The following PHLPP1 variants were observed in gnomAD, a reference collection of about 807,000 sequenced individuals.
PHLPP1 encodes the protein PH domain and leucine rich repeat protein phosphatase 1, also known as PH domain leucine-rich repeat-containing protein phosphatase 1.
A neutral mutation model predicts 117.2 loss-of-function variants in PHLPP1; 42 were observed. That is an observed-to-expected ratio of 0.36 (90% confidence interval 0.28 to 0.46). The LOEUF is 0.46. Ranked by LOEUF, PHLPP1 falls within the 20% of genes least tolerant of loss-of-function variation. PHLPP1 has a pLI of 1.00. For missense variants in PHLPP1, 2,084 were observed against 2,241.9 expected (o/e 0.93, Z 1.42); for synonymous variants, 1,042 against 970.7 (o/e 1.07, Z -1.37).
At chr18:62,895,674 T>G (rs1436035049) in intron 5 of PHLPP1, 107 bp from the exon 6 acceptor site, 2 of 737,546 alleles carry the variant, frequency 2.7e-6, no homozygotes, top group Non-Finnish European at 4.6e-6. Flanking sequence ...TTGCGAAGAA[T>G]AATACATTTT....
At chr18:62,866,489 C>T (rs998754937) in intron 4 of PHLPP1, among the ~76,000 whole-genome samples, 2 of 152,114 alleles carry the variant, frequency 1.3e-5, no homozygotes, top group Non-Finnish European at 2.9e-5. Context: ...AGGTAGTCCA[C>T]CCATCTTGGC....
At chr18:62,767,042 G>A (rs1912564307) in intron 1 of PHLPP1, among the ~76,000 whole-genome samples, 1 of 152,184 alleles carries the variant, frequency 6.6e-6, no homozygotes, top group South Asian at 2.1e-4. Flanking sequence ...CCACTCTCCT[G>A]CCAGATCCTT....
At position 62,954,327 on chromosome 18, in the gene PHLPP1, C is replaced by T. The variant is rs115129939; in HGVS notation, c.3325-4302C>T. On this transcript the variant is annotated intron_variant, in intron 12 of 16. Transcript: ENST00000262719. ...TTAGTCGTGTTTTAGCCAGATTTAACATTCTATTGAATATATTTTTAAGAA... is the reference window on the plus strand; with the variant it reads ...TTAGTCGTGTTTTAGCCAGATTTAATATTCTATTGAATATATTTTTAAGAA... 4.9e-3 allele frequency among the ~76,000 whole-genome samples: 752 copies of T among 152,314 alleles called. 4 individuals carry two copies. Among genetic ancestry groups the T allele is most frequent in the African/African-American group, 0.017 (714 of 41,562 alleles).
chr18:62,849,718 T>G (rs2144351055), intron 3 of PHLPP1, among the ~76,000 whole-genome samples: 1 of 133,608 alleles, frequency 7.5e-6, no homozygotes, highest in Admixed American at 8.4e-5. Flanking sequence ...CCCAACACTT[T>G]GGGAGGCTGA....
At chr18:62,789,789 G>A (rs1386918297) in intron 1 of PHLPP1, among the ~76,000 whole-genome samples, 5 of 152,068 alleles carry the variant, frequency 3.3e-5, no homozygotes, top group African/African-American at 7.2e-5. Flanking sequence ...GTTCAAGGCC[G>A]CACCCGAGAC....
At chr18:62,725,068 G>A (rs923993892) in intron 1 of PHLPP1, among the ~76,000 whole-genome samples, 20 of 152,144 alleles carry the variant, frequency 1.3e-4, no homozygotes, top group African/African-American at 4.6e-4. Flanking sequence ...CTTTAAATAT[G>A]TGTGTGTTGG....
intron 12 of PHLPP1, among the ~76,000 whole-genome samples, chr18:62,952,236 C>T (rs888360324): frequency 2.6e-5 from 4 of 151,974 alleles, no homozygotes; most frequent in Admixed American, 2.6e-4. Flanking sequence ...GACCAGCCTG[C>T]GCAACATGGC....
intron 1 of PHLPP1, among the ~76,000 whole-genome samples, chr18:62,780,176 C>A (rs773351387): frequency 6.6e-6 from 1 of 152,038 alleles, no homozygotes; most frequent in South Asian, 2.1e-4. Flanking sequence ...AAGGAATAGT[C>A]GAGTTTGTTT....
At chr18:62,773,438 A>G (rs527573117) in intron 1 of PHLPP1, among the ~76,000 whole-genome samples, 2 of 152,286 alleles carry the variant, frequency 1.3e-5, no homozygotes, top group East Asian at 3.9e-4. Context: ...TCCCTGAGAT[A>G]AAGTAGTGCA....
chr18:62,950,974 C>T (rs914668008), intron 12 of PHLPP1, among the ~76,000 whole-genome samples: 3 of 151,790 alleles, frequency 2.0e-5, no homozygotes, highest in African/African-American at 7.3e-5. Context: ...TGAGTTAACC[C>T]AGACTAGTTT....
At chr18:62,758,041 A>G (rs941080888) in intron 1 of PHLPP1, among the ~76,000 whole-genome samples, 8 of 152,244 alleles carry the variant, frequency 5.3e-5, no homozygotes, top group African/African-American at 1.9e-4. Context: ...TAGAGGCAGC[A>G]TGCATTTCGA....
intron 10 of PHLPP1, among the ~76,000 whole-genome samples, chr18:62,931,894 A>G (rs948839653): frequency 6.6e-6 from 1 of 151,772 alleles, no homozygotes; most frequent in African/African-American, 2.4e-5. Context: ...AAAAAAAAAA[A>G]AAAAAGATCC....
chr18:62,947,617 T>C (rs1910337111), intron 12 of PHLPP1, among the ~76,000 whole-genome samples: 1 of 152,184 alleles, frequency 6.6e-6, no homozygotes, highest in Admixed American at 6.5e-5. Flanking sequence ...GTCTCAAGAT[T>C]AAACCTCCTA....
At chr18:62,773,556 T>C (rs1912860216) in intron 1 of PHLPP1, among the ~76,000 whole-genome samples, 1 of 152,214 alleles carries the variant, frequency 6.6e-6, no homozygotes. Context: ...CATGCCAGAT[T>C]TTTAGGGAGG....
At chr18:62,860,625 T>A in intron 4 of PHLPP1, 24 bp downstream of exon 4, 1 of 1,595,148 alleles carries the variant, frequency 6.3e-7, no homozygotes, top group Non-Finnish European at 8.6e-7. Flanking sequence ...AATGGGTAGA[T>A]CATTAGGAAG....
At chr18:62,791,036 C>T (rs1001648123) in intron 1 of PHLPP1, among the ~76,000 whole-genome samples, 1 of 152,132 alleles carries the variant, frequency 6.6e-6, no homozygotes. Context: ...GAGCTGGCGA[C>T]AGACCTGGCC....
At chr18:62,724,061 C>T (rs1474470833) in intron 1 of PHLPP1, among the ~76,000 whole-genome samples, 1 of 152,142 alleles carries the variant, frequency 6.6e-6, no homozygotes, top group Non-Finnish European at 1.5e-5. Context: ...GTACACAAGT[C>T]AGCTGGAGGT....
chr18:62,772,276 G>A (rs1157397623), intron 1 of PHLPP1, among the ~76,000 whole-genome samples: 1 of 152,130 alleles, frequency 6.6e-6, no homozygotes, highest in African/African-American at 2.4e-5. Context: ...TAATATAATA[G>A]TAATAATTTA....
At chr18:62,787,176 C>T (rs1472875113) in intron 1 of PHLPP1, among the ~76,000 whole-genome samples, 2 of 151,852 alleles carry the variant, frequency 1.3e-5, no homozygotes, top group Admixed American at 6.6e-5. Context: ...TTCTTTTTAG[C>T]TTAACAGATT....
Sources: gnomAD v4.1 joint callset for allele counts (sites outside exome capture counted in the v4.1 genomes callset) on GRCh38, gnomAD v4.1.1 for gene constraint, MANE v1.5 for transcripts, NCBI Gene and HGNC (gene_info 2026-07-23, HGNC 2026-07-21) for gene names.